The following ELF5 variants were observed in gnomAD, a reference collection of about 807,000 sequenced individuals.
The protein encoded by ELF5 is E74 like ETS transcription factor 5.
A neutral mutation model predicts 38.2 loss-of-function variants in ELF5; 31 were observed. That is an observed-to-expected ratio of 0.81 (90% CI 0.61 to 1.10). The LOEUF is 1.10. ELF5 is among the 50% of genes least tolerant of loss of function. The probability of loss-of-function intolerance (pLI) is 0.00; values close to 1 mark genes in which losing one functional copy is unlikely to be tolerated. For synonymous variants in ELF5, 121 were observed against 112.5 expected (o/e 1.08, Z -0.48); for missense variants, 300 against 306.6 (o/e 0.98, Z 0.16).
At chr11:34,492,089 T>C (rs1850192237) in intron 3 of ELF5, 1 of 152,234 alleles carries the variant, frequency 6.6e-6, no homozygotes, top group African/African-American at 2.4e-5. Flanking sequence ...TGCGAGCCTG[T>C]TCCCTTGGGA....
intron 2 of ELF5, among the ~76,000 whole-genome samples, chr11:34,504,320 T>C (rs541540105): frequency 6.6e-6 from 1 of 152,216 alleles, no homozygotes; most frequent in Admixed American, 6.5e-5. Flanking sequence ...TAAAGGAGAA[T>C]TGTAAGATGT....
intron 3 of ELF5, 51 bp from the exon 4 acceptor site, chr11:34,490,110 A>G (rs773189017): frequency 3.1e-6 from 5 of 1,596,838 alleles, no homozygotes; most frequent in Non-Finnish European, 3.4e-6. Context: ...CCTGGTTTCC[A>G]CTGGCCAGGC....
At chr11:34,506,917 C>T (rs904451544) in intron 1 of ELF5, among the ~76,000 whole-genome samples, 4 of 151,990 alleles carry the variant, frequency 2.6e-5, no homozygotes, top group Admixed American at 6.6e-5. Flanking sequence ...TGTGTGTGTA[C>T]GTGTGTGTGT....
chr11:34,499,718 A>G (rs1850410145), intron 2 of ELF5, among the ~76,000 whole-genome samples: 1 of 152,232 alleles, frequency 6.6e-6, no homozygotes, highest in Admixed American at 6.5e-5. Flanking sequence ...TGAACCTGCC[A>G]GCTACAGGAA....
At chr11:34,482,896 T>C (rs1856973146) in intron 4 of ELF5, among the ~76,000 whole-genome samples, 1 of 152,034 alleles carries the variant, frequency 6.6e-6, no homozygotes, top group African/African-American at 2.4e-5. Flanking sequence ...CTAGAGCTTA[T>C]GAAGGGTAGA....
At chr11:34,480,361 G>T in intron 6 of ELF5, 47 bp from the exon 7 acceptor site, 1 of 1,437,550 alleles carries the variant, frequency 7.0e-7, no homozygotes. Context: ...TTGCACCCTA[G>T]GAAAACAACA....
chr11:34,486,037 G>A (rs998493476), intron 4 of ELF5, among the ~76,000 whole-genome samples: 20 of 152,104 alleles, frequency 1.3e-4, no homozygotes, highest in African/African-American at 4.3e-4. Context: ...CCTTGAGCCT[G>A]GACACTTTTA....
chr11:34,504,850 G>T (rs1427846862), intron 2 of ELF5, among the ~76,000 whole-genome samples: 1 of 152,190 alleles, frequency 6.6e-6, no homozygotes, highest in Non-Finnish European at 1.5e-5. Context: ...AGAAATCCAG[G>T]CTGAGAAAGA....
chr11:34,503,520 C>T (rs1850525988), intron 2 of ELF5, among the ~76,000 whole-genome samples: 1 of 151,924 alleles, frequency 6.6e-6, no homozygotes, highest in Admixed American at 6.6e-5. Flanking sequence ...GTGACTGCAG[C>T]TCACTGCAGC....
chr11:34,497,064 C>A (rs1850336607), intron 2 of ELF5, among the ~76,000 whole-genome samples: 1 of 152,124 alleles, frequency 6.6e-6, no homozygotes, highest in Admixed American at 6.5e-5. Context: ...TTTGAAGAAT[C>A]AGAAAGAGGA....
intron 2 of ELF5, among the ~76,000 whole-genome samples, chr11:34,495,167 A>G (rs915265716): frequency 2.6e-5 from 4 of 152,192 alleles, no homozygotes; most frequent in Non-Finnish European, 5.9e-5. Context: ...CAGAGCAGAG[A>G]TGGAACGTGA....
intron 5 of ELF5, 110 bp downstream of exon 5, chr11:34,482,321 G>A (rs1856959924): frequency 2.1e-6 from 2 of 952,880 alleles, no homozygotes; most frequent in Non-Finnish European, 3.3e-6. Flanking sequence ...CTTCCTTGGG[G>A]AGTAACTGGT....
chr11:34,480,372 G>T, intron 6 of ELF5, 58 bp from the exon 7 acceptor site: 1 of 1,326,794 alleles, frequency 7.5e-7, no homozygotes, highest in Non-Finnish European at 1.1e-6. Context: ...GAAAACAACA[G>T]AACACAAACA....
chr11:34,492,578 A>G (rs1165590717), intron 3 of ELF5: 1 of 152,238 alleles, frequency 6.6e-6, no homozygotes, highest in Non-Finnish European at 1.5e-5. Context: ...TCTTGATTAT[A>G]TTAATGATGA....
intron 5 of ELF5, among the ~76,000 whole-genome samples, chr11:34,481,775 T>A (rs1272543304): frequency 6.6e-6 from 1 of 152,220 alleles, no homozygotes; most frequent in Non-Finnish European, 1.5e-5. Flanking sequence ...AATTCACCTC[T>A]TCCTACCTTT....
chr11:34,510,791 A>G (rs915891662), intron 1 of ELF5, among the ~76,000 whole-genome samples: 1 of 152,162 alleles, frequency 6.6e-6, no homozygotes, highest in Non-Finnish European at 1.5e-5. Context: ...GATGATTAAG[A>G]AAAAATGACC....
At chr11:34,491,704 GTA>G (rs990252851) in intron 3 of ELF5, 1 of 151,722 alleles carries the variant, frequency 6.6e-6, no homozygotes, top group Non-Finnish European at 1.5e-5. Context: ...AGCCTCCTGA[GTA>G]ACTGGGATTA....
At position 34,479,964 on chromosome 11, in the gene ELF5, T is replaced by C. The variant is rs1302428931; in HGVS notation, c.*254A>G. The C allele has an allele frequency of 2.2e-6, 1 of 449,382 alleles. No individual in the cohort carries two copies. The highest frequency in any genetic ancestry group is 4.0e-6 in the Non-Finnish European group (1 of 252,708). The allele number at this position is 449,382 out of a possible 1,614,324, so 27.8% of individuals were successfully genotyped here. On this transcript the variant is annotated 3_prime_UTR_variant, in exon 7 of 7. Coordinates refer to ENST00000257832, the MANE Select transcript of ELF5 (RefSeq NM_001422.4). ...ATTCCACAACTCTAGGAAAATAAAG[T>C]TTGATCAAGACACCACAAAAGATCA...
intron 2 of ELF5, 111 bp from the exon 3 acceptor site, chr11:34,493,823 G>A (rs1454544589): frequency 1.9e-5 from 17 of 918,454 alleles, no homozygotes; most frequent in Non-Finnish European, 2.6e-5. Context: ...CCAATAAGTT[G>A]AAAGGGCCTC....
Sources: allele counts gnomAD v4.1 joint callset (sites outside exome capture counted in the v4.1 genomes callset), GRCh38; gene constraint gnomAD v4.1.1; transcripts MANE v1.5; gene names NCBI Gene and HGNC (gene_info 2026-07-23, HGNC 2026-07-21).